Variants in FSTL4 observed in about 807,000 individuals in gnomAD.
FSTL4 encodes the protein follistatin like 4.
In FSTL4, 28 loss-of-function variants were observed where a neutral mutation model predicts 78.2. That is an observed-to-expected ratio of 0.36 (90% CI 0.27 to 0.49). FSTL4 has a LOEUF of 0.49. Ranked by LOEUF, FSTL4 falls within the 20% of genes least tolerant of loss-of-function variation. The pLI is 0.98. For missense variants in FSTL4, 922 were observed against 1,084.9 expected, an observed-to-expected ratio of 0.85 and a Z score of 2.11; for synonymous variants, 422 against 440.5, an observed-to-expected ratio of 0.96 and a Z score of 0.53.
intron 4 of FSTL4, among the ~76,000 whole-genome samples, chr5:133,324,339 C>A (rs553618691): frequency 6.6e-6 from 1 of 152,328 alleles, no homozygotes; most frequent in East Asian, 1.9e-4. Context: ...GGGAGACAGG[C>A]CATGTGGTCA....
At chr5:133,345,836 T>C (rs1754686670) in intron 4 of FSTL4, among the ~76,000 whole-genome samples, 1 of 152,210 alleles carries the variant, frequency 6.6e-6, no homozygotes, top group Non-Finnish European at 1.5e-5. Flanking sequence ...GTGTGGCGAT[T>C]CCTCAAGGAT....
Position 133,260,346 on chromosome 5 carries a change from A to G in FSTL4, c.728-10770T>C, listed in dbSNP as rs149663341. Among the ~76,000 whole-genome samples the G allele has an allele frequency of 3.4e-3, 521 of 152,362 alleles. 5 individuals carry two copies. Among genetic ancestry groups the G allele is most frequent in the African/African-American group, 0.012 (495 of 41,582 alleles). On this transcript the variant is annotated intron_variant, in intron 6 of 15. Coordinates refer to ENST00000265342, the MANE Select transcript of FSTL4 (RefSeq NM_015082.2). Reference sequence around the variant, plus strand: ...AATATAACTTGTTTTCTGTTTAATTATCCAGTCTCCTGAGAATGCTCTGTC... The same window carrying G: ...AATATAACTTGTTTTCTGTTTAATTGTCCAGTCTCCTGAGAATGCTCTGTC...
chr5:133,316,084 G>A (rs1460595169), intron 5 of FSTL4, among the ~76,000 whole-genome samples: 1 of 152,214 alleles, frequency 6.6e-6, no homozygotes, highest in Non-Finnish European at 1.5e-5. Flanking sequence ...AAGGAGCAGT[G>A]ATGTCCTAAG....
intron 3 of FSTL4, among the ~76,000 whole-genome samples, chr5:133,517,784 A>G (rs1758895362): frequency 6.6e-6 from 1 of 151,862 alleles, no homozygotes. Flanking sequence ...CAAAATCTGC[A>G]GGGTAGGCTG....
chr5:133,456,688 A>AAAAACAAAACAAAACAAAAC, intron 3 of FSTL4, among the ~76,000 whole-genome samples: 1 of 151,964 alleles, frequency 6.6e-6, no homozygotes, highest in East Asian at 1.9e-4. Flanking sequence ...TTGTACTTAA[A>AAAAACAAAACAAAACAAAAC]AAAACAAAAC....
intron 8 of FSTL4, among the ~76,000 whole-genome samples, chr5:133,231,940 G>A (rs550278756): frequency 6.6e-5 from 10 of 152,344 alleles, no homozygotes; most frequent in South Asian, 2.1e-4. Flanking sequence ...CAATGTGAAA[G>A]GCAGCGTAAA....
the FSTL4 span, among the ~76,000 whole-genome samples, chr5:133,704,615 G>A: frequency 8.5e-5 from 13 of 152,350 alleles, no homozygotes; most frequent in South Asian, 4.1e-4. Flanking sequence ...CCAGGGGCAT[G>A]TCTTGATTCA....
the FSTL4 span, among the ~76,000 whole-genome samples, chr5:133,709,997 G>A: frequency 1.3e-5 from 2 of 152,190 alleles, no homozygotes; most frequent in African/African-American, 4.8e-5. Context: ...CCTGAGATGT[G>A]TCTTTCCATG....
At chr5:133,266,180 T>G (rs1752636720) in intron 6 of FSTL4, among the ~76,000 whole-genome samples, 1 of 152,216 alleles carries the variant, frequency 6.6e-6, no homozygotes, top group Non-Finnish European at 1.5e-5. Flanking sequence ...GTTCTGAGCA[T>G]GCAGAGCACA....
chr5:133,749,126 C>T, the FSTL4 span, among the ~76,000 whole-genome samples: 1 of 152,170 alleles, frequency 6.6e-6, no homozygotes, highest in Non-Finnish European at 1.5e-5. Flanking sequence ...CCAGTTAGTG[C>T]TCAGACAGAA....
intron 4 of FSTL4, among the ~76,000 whole-genome samples, chr5:133,337,038 C>T (rs1420098274): frequency 2.0e-5 from 3 of 152,154 alleles, no homozygotes; most frequent in Non-Finnish European, 2.9e-5. Flanking sequence ...GTCTCGGGAA[C>T]GGGACACCTC....
the FSTL4 span, among the ~76,000 whole-genome samples, chr5:133,666,833 T>TCAA: frequency 6.6e-6 from 1 of 152,248 alleles, no homozygotes; most frequent in African/African-American, 2.4e-5. Context: ...GAAAAAGGTT[T>TCAA]CTTAAGTGTT....
At chr5:133,622,006 C>T in the FSTL4 span, among the ~76,000 whole-genome samples, 1 of 152,038 alleles carries the variant, frequency 6.6e-6, no homozygotes, top group African/African-American at 2.4e-5. Flanking sequence ...CACAAGAATC[C>T]TTTCTGTGGC....
chr5:133,301,699 C>G (rs1382134637), intron 6 of FSTL4, among the ~76,000 whole-genome samples: 5 of 152,204 alleles, frequency 3.3e-5, no homozygotes, highest in African/African-American at 1.2e-4. Context: ...CCCATGCCAT[C>G]TGGAGAAGAA....
At chr5:133,463,272 A>C (rs1037527448) in intron 3 of FSTL4, among the ~76,000 whole-genome samples, 44 of 152,142 alleles carry the variant, frequency 2.9e-4, no homozygotes, top group African/African-American at 1.1e-3. Flanking sequence ...AGTTTTAGCA[A>C]AGAATCCTGA....
intron 6 of FSTL4, among the ~76,000 whole-genome samples, chr5:133,250,900 T>C (rs1752210025): frequency 6.6e-6 from 1 of 151,788 alleles, no homozygotes; most frequent in African/African-American, 2.4e-5. Context: ...GGATGAGAAA[T>C]GGAGAAAATG....
chr5:133,523,930 T>C (rs937246007), intron 3 of FSTL4, among the ~76,000 whole-genome samples: 4 of 152,196 alleles, frequency 2.6e-5, no homozygotes, highest in African/African-American at 9.7e-5. Flanking sequence ...TAATAACAAT[T>C]GCTGTGAAGA....
chr5:133,582,680 C>G (rs989478216), intron 2 of FSTL4, among the ~76,000 whole-genome samples: 4 of 152,198 alleles, frequency 2.6e-5, no homozygotes, highest in Non-Finnish European at 4.4e-5. Context: ...TCCCTCACAC[C>G]TCTTCTTCCT....
chr5:133,498,428 T>G (rs2112874982), intron 3 of FSTL4, among the ~76,000 whole-genome samples: 1 of 152,218 alleles, frequency 6.6e-6, no homozygotes, highest in African/African-American at 2.4e-5. Context: ...CTTTAAAAAA[T>G]AATAGATCAG....
Sources: gnomAD v4.1 joint callset for allele counts (sites outside exome capture counted in the v4.1 genomes callset) on GRCh38, gnomAD v4.1.1 for gene constraint, MANE v1.5 for transcripts, NCBI Gene and HGNC (gene_info 2026-07-23, HGNC 2026-07-21) for gene names.